XKR3: variants seen among roughly 807,000 people sequenced by gnomAD.
The protein encoded by XKR3 is XK-related protein 3.
In XKR3, 27 loss-of-function variants were observed where a neutral mutation model predicts 40.3. The observed-to-expected ratio is 0.67, with a 90% CI of 0.49 to 0.92. The LOEUF is 0.92. Among genes scored for constraint, XKR3 ranks in the 40% least tolerant of loss-of-function variants. The pLI is 0.00. For missense variants in XKR3, 472 were observed against 537.6 expected (o/e 0.88, Z 1.21); for synonymous variants, 193 against 195.4 (o/e 0.99, Z 0.10).
chr22:16,795,981 C>T (rs775689761), intron 3 of XKR3, among the ~76,000 whole-genome samples: 1 of 151,638 alleles, frequency 6.6e-6, no homozygotes, highest in Non-Finnish European at 1.5e-5. Context: ...AAAAAGGGAC[C>T]AGAAAATCCA....
chr22:16,814,596 T>C (rs1011327610), intron 1 of XKR3, among the ~76,000 whole-genome samples: 10 of 152,192 alleles, frequency 6.6e-5, no homozygotes, highest in Non-Finnish European at 1.3e-4. Flanking sequence ...TTCCAATCCA[T>C]GAATATTGGA....
At chr22:16,796,759 A>G (rs1336299469) in intron 3 of XKR3, among the ~76,000 whole-genome samples, 2 of 152,230 alleles carry the variant, frequency 1.3e-5, no homozygotes, top group African/African-American at 2.4e-5. Context: ...AAATTATTTA[A>G]TGCTATCCCT....
intron 1 of XKR3, among the ~76,000 whole-genome samples, chr22:16,819,274 A>G (rs889428145): frequency 6.6e-6 from 1 of 152,164 alleles, no homozygotes; most frequent in Non-Finnish European, 1.5e-5. Flanking sequence ...TTTTGAGATA[A>G]AGCAAACTTA....
intron 3 of XKR3, among the ~76,000 whole-genome samples, chr22:16,787,737 C>T (rs1238253112): frequency 6.6e-6 from 1 of 151,646 alleles, no homozygotes; most frequent in Admixed American, 6.6e-5. Flanking sequence ...TTAATATAAT[C>T]AAACCAACAA....
rs372838030 is a variant in XKR3 at position 16,813,449 on chromosome 22, G to A, written c.-10-5366C>T. On this transcript the variant is annotated intron_variant, in intron 1 of 3. Transcript: ENST00000684488. ...CTATAACTGGCTTGCCATTCTGTCC[G>A]ATTTTTAAGCCGAGCATACTGAGGC... Among the ~76,000 whole-genome samples the A allele has an allele frequency of 2.0e-4, 30 of 152,102 alleles. No individual in the cohort carries two copies. In the South Asian group the frequency reaches 5.6e-3, roughly 28 times the overall value.
rs562118958 is a variant in XKR3, at chr22:16,799,792, G to T, written c.568C>A (p.Arg190=). 6.2e-7 allele frequency: 1 copy of T among 1,613,774 alleles called. No individual in the cohort carries two copies. Among genetic ancestry groups the T allele is most frequent in the Non-Finnish European group, 8.5e-7 (1 of 1,179,982 alleles). Residue 190 remains arginine (R), a synonymous_variant, in exon 3 of 4, where the codon CGA becomes AGA. Transcript: ENST00000684488. ...ILQMYISLTI[R]EWPLNRALLM... ...TTACCTCTATTCAAAGGCCATTCTC[G>T]TATAGTGAGACTGATATACATCTGC...
chr22:16,820,862 T>C (rs1363449957), intron 1 of XKR3, among the ~76,000 whole-genome samples: 3 of 152,152 alleles, frequency 2.0e-5, no homozygotes, highest in African/African-American at 7.2e-5. Context: ...ACCTAACAGA[T>C]GCTAGAAATA....
rs139033233 is a variant in XKR3 at position 16,808,755 on chromosome 22, G to A, written c.-10-672C>T. On this transcript the variant is annotated intron_variant, in intron 1 of 3. Coordinates refer to ENST00000684488, the MANE Select transcript of XKR3 (RefSeq NM_001386955.1). Reference sequence around the variant, plus strand: ...ATTTTAGGTTCTCTGTAGACAAACCGCCAGAAAAATTACTGACATACTGTG... The same window carrying A: ...ATTTTAGGTTCTCTGTAGACAAACCACCAGAAAAATTACTGACATACTGTG... Among the ~76,000 whole-genome samples, 367 of 152,148 alleles carry A rather than the reference G, an allele frequency of 2.4e-3. 2 individuals carry two copies. The highest frequency in any genetic ancestry group is 8.3e-3 in the African/African-American group (344 of 41,524).
At chr22:16,821,902 A>G (rs541882314) in intron 1 of XKR3, among the ~76,000 whole-genome samples, 1 of 152,224 alleles carries the variant, frequency 6.6e-6, no homozygotes, top group African/African-American at 2.4e-5. Flanking sequence ...GTTTAGTTTT[A>G]TAACATACTC....
At chr22:16,819,998 T>C (rs893587563) in intron 1 of XKR3, among the ~76,000 whole-genome samples, 2 of 152,170 alleles carry the variant, frequency 1.3e-5, no homozygotes, top group Non-Finnish European at 2.9e-5. Flanking sequence ...ACTGCATCTA[T>C]TAAAACACCT....
In XKR3 at chr22:16,823,568, G is replaced by A. The variant is rs147923189; in HGVS notation, c.-11+1723C>T. Among the ~76,000 whole-genome samples the A allele has an allele frequency of 4.0e-3, 605 of 152,306 alleles. 2 individuals are homozygous for A. The highest frequency in any genetic ancestry group is 0.014 in the African/African-American group (585 of 41,568). ...CTTAAACACCTTACTTTTGATCTGC[G>A]TGATGTACAGAACTGGTGATGAACA... On this transcript the variant is annotated intron_variant, in intron 1 of 3. Coordinates refer to ENST00000684488, the MANE Select transcript of XKR3 (RefSeq NM_001386955.1).
intron 3 of XKR3, among the ~76,000 whole-genome samples, chr22:16,793,105 C>T (rs1445399482): frequency 7.9e-5 from 12 of 152,268 alleles, no homozygotes; most frequent in African/African-American, 1.9e-4. Flanking sequence ...CTCTGCCTCC[C>T]GGTTTCAAGC....
At chr22:16,793,163 C>T (rs1302549391) in intron 3 of XKR3, among the ~76,000 whole-genome samples, 1 of 152,192 alleles carries the variant, frequency 6.6e-6, no homozygotes, top group African/African-American at 2.4e-5. Context: ...CAGGCATGCT[C>T]CACCACGCCC....
At chr22:16,786,181 G>A (rs2060090003) in intron 3 of XKR3, among the ~76,000 whole-genome samples, 1 of 151,992 alleles carries the variant, frequency 6.6e-6, no homozygotes. Flanking sequence ...AGGCTGAGGT[G>A]AATGGATCAC....
intron 1 of XKR3, among the ~76,000 whole-genome samples, chr22:16,815,685 ATTG>A (rs1159571144): frequency 6.6e-6 from 1 of 151,958 alleles, no homozygotes; most frequent in Non-Finnish European, 1.5e-5. Context: ...ATATAAAAGG[ATTG>A]TTAATTGTTA....
chr22:16,794,780 G>C (rs2060133626), intron 3 of XKR3, among the ~76,000 whole-genome samples: 1 of 152,148 alleles, frequency 6.6e-6, no homozygotes. Flanking sequence ...TGGTCTTCAA[G>C]GCACTCATCT....
chr22:16,792,535 C>A (rs1410334869), intron 3 of XKR3, among the ~76,000 whole-genome samples: 1 of 152,212 alleles, frequency 6.6e-6, no homozygotes, highest in Non-Finnish European at 1.5e-5. Context: ...TGTTTTACTG[C>A]TGAAGGTCTC....
At chr22:16,796,337 C>T (rs1168004911) in intron 3 of XKR3, among the ~76,000 whole-genome samples, 24 of 152,224 alleles carry the variant, frequency 1.6e-4, no homozygotes, top group African/African-American at 5.8e-4. Context: ...GCCTTTTTCC[C>T]ATCTCATTCA....
intron 1 of XKR3, among the ~76,000 whole-genome samples, chr22:16,820,107 A>G (rs2060249597): frequency 6.6e-6 from 1 of 152,166 alleles, no homozygotes; most frequent in Non-Finnish European, 1.5e-5. Flanking sequence ...TGGTAGGGTC[A>G]GTCCAAAACT....
Sources: gnomAD v4.1 joint callset for allele counts (sites outside exome capture counted in the v4.1 genomes callset) on GRCh38, gnomAD v4.1.1 for gene constraint, MANE v1.5 for transcripts, NCBI Gene and HGNC (gene_info 2026-07-23, HGNC 2026-07-21) for gene names.